Variants in EXOC6B observed in about 807,000 individuals in gnomAD.
EXOC6B encodes SEC15 homolog B.
In EXOC6B, 54 loss-of-function variants were observed where a neutral mutation model predicts 113.5. The ratio of observed to expected loss-of-function variants is 0.48; its 90% CI spans 0.38 to 0.60. The LOEUF (loss-of-function observed/expected upper bound fraction) is 0.60, where lower values mean the gene tolerates loss of function less well. EXOC6B is among the 20% of genes least tolerant of loss of function. EXOC6B has a pLI of 0.00. For missense variants in EXOC6B, 797 were observed against 977.5 expected (o/e 0.82, Z 2.46); for synonymous variants, 357 against 339.0 (o/e 1.05, Z -0.58).
intron 8 of EXOC6B, among the ~76,000 whole-genome samples, chr2:72,555,152 T>A (rs527354208): frequency 2.0e-4 from 30 of 152,204 alleles, no homozygotes; most frequent in Non-Finnish European, 3.7e-4. Flanking sequence ...ACCCAGTCTA[T>A]CATTGATGGA....
At chr2:72,306,231 G>A (rs540924801) in intron 20 of EXOC6B, among the ~76,000 whole-genome samples, 13 of 152,156 alleles carry the variant, frequency 8.5e-5, no homozygotes, top group Admixed American at 7.2e-4. Flanking sequence ...AATGTATACC[G>A]TTATAATAAA....
chr2:72,795,370 G>A (rs539006672), intron 1 of EXOC6B, among the ~76,000 whole-genome samples: 6 of 152,106 alleles, frequency 3.9e-5, no homozygotes, highest in Non-Finnish European at 5.9e-5. Context: ...TTCTAAACAA[G>A]TGAATGACTC....
intron 18 of EXOC6B, among the ~76,000 whole-genome samples, chr2:72,442,804 C>A (rs1215378517): frequency 6.6e-6 from 1 of 152,086 alleles, no homozygotes; most frequent in Non-Finnish European, 1.5e-5. Context: ...GTTAAAATGG[C>A]CATACTGCCC....
intron 6 of EXOC6B, among the ~76,000 whole-genome samples, chr2:72,603,726 C>T (rs1014524579): frequency 5.3e-5 from 8 of 152,226 alleles, no homozygotes; most frequent in African/African-American, 1.2e-4. Flanking sequence ...AAGTGCTTTG[C>T]GGCCCACTGT....
At chr2:72,718,013 A>G in intron 6 of EXOC6B, 90 bp downstream of exon 6, 2 of 896,568 alleles carry the variant, frequency 2.2e-6, no homozygotes, top group South Asian at 4.0e-5. Flanking sequence ...CTTGGATAAG[A>G]TAATGACTAG....
At chr2:72,371,380 T>C (rs915517666) in intron 19 of EXOC6B, among the ~76,000 whole-genome samples, 8 of 151,952 alleles carry the variant, frequency 5.3e-5, no homozygotes, top group Non-Finnish European at 1.2e-4. Context: ...CAAAGACACA[T>C]CGAAAAAGAA....
intron 6 of EXOC6B, among the ~76,000 whole-genome samples, chr2:72,577,590 A>C (rs1224117335): frequency 6.6e-6 from 1 of 152,040 alleles, no homozygotes; most frequent in African/African-American, 2.4e-5. Context: ...TGAACAAATG[A>C]AAGTTATCAT....
intron 6 of EXOC6B, among the ~76,000 whole-genome samples, chr2:72,589,794 C>T (rs552801618): frequency 5.8e-4 from 87 of 151,266 alleles, no homozygotes; most frequent in African/African-American, 2.0e-3. Context: ...AATGATATAA[C>T]AGATCTGATA....
chr2:72,626,460 A>T (rs965579647), intron 6 of EXOC6B, among the ~76,000 whole-genome samples: 1 of 152,184 alleles, frequency 6.6e-6, no homozygotes, highest in Non-Finnish European at 1.5e-5. Context: ...GTTATCAGAC[A>T]AGATGATTTT....
At chr2:72,341,722 A>C (rs1184040321) in intron 19 of EXOC6B, among the ~76,000 whole-genome samples, 1 of 152,128 alleles carries the variant, frequency 6.6e-6, no homozygotes, top group Admixed American at 6.6e-5. Flanking sequence ...ATCAGACTTG[A>C]ACAACACTAT....
In EXOC6B at chr2:72,379,905, C is replaced by A. The variant is rs1691585851; in HGVS notation, c.1981-35G>T. On this transcript the variant is annotated intron_variant, in intron 18 of 21. Coordinates refer to ENST00000272427, the MANE Select transcript of EXOC6B (RefSeq NM_015189.3). ...AAGAGTGTAAATCATAAAGTTAATG[C>A]ATCTAACATAAATTAAAATAAAATT... is the stretch of plus-strand genomic sequence containing the variant. 1.5e-5 allele frequency: 22 copies of A among 1,511,884 alleles called. 1 individual carries two copies. Among genetic ancestry groups the A allele is most frequent in the Non-Finnish European group, 1.9e-5 (22 of 1,128,468 alleles). The allele number at this position is 1,511,884 out of a possible 1,614,324, so 93.7% of individuals were successfully genotyped here.
At position 72,718,083 on chromosome 2, in the gene EXOC6B, A is replaced by C; in HGVS notation, c.669+20T>G. 1.9e-6 allele frequency: 3 copies of C among 1,583,438 alleles called. No homozygotes were observed. Among genetic ancestry groups the C allele is most frequent in the Non-Finnish European group, 2.6e-6 (3 of 1,163,490 alleles). ...TACTGATAAAGCCACTGGCCAACCT[A>C]TCATAAACCCAAGACCTACTTGCTT... On this transcript the variant is annotated intron_variant, in intron 6 of 21. Transcript: ENST00000272427.
intron 1 of EXOC6B, among the ~76,000 whole-genome samples, chr2:72,811,337 T>C (rs1427930271): frequency 6.6e-6 from 1 of 152,082 alleles, no homozygotes; most frequent in Non-Finnish European, 1.5e-5. Context: ...AAAGGCACGA[T>C]AAATTTAACA....
chr2:72,697,546 TG>T (rs1368419878), intron 6 of EXOC6B, among the ~76,000 whole-genome samples: 1 of 151,894 alleles, frequency 6.6e-6, no homozygotes, highest in Non-Finnish European at 1.5e-5. Flanking sequence ...TAGCCGGGCA[TG>T]GTGGTGCATG....
At chr2:72,637,387 G>T (rs1350854636) in intron 6 of EXOC6B, among the ~76,000 whole-genome samples, 1 of 151,944 alleles carries the variant, frequency 6.6e-6, no homozygotes, top group Non-Finnish European at 1.5e-5. Flanking sequence ...ATCCACCAAT[G>T]AAGGTCAAAT....
intron 6 of EXOC6B, among the ~76,000 whole-genome samples, chr2:72,671,603 C>T (rs1190512194): frequency 6.6e-6 from 1 of 151,800 alleles, no homozygotes; most frequent in East Asian, 1.9e-4. Flanking sequence ...GAGCCTGAGG[C>T]AGAAGAATCG....
At chr2:72,451,224 A>G (rs1696893995) in intron 18 of EXOC6B, among the ~76,000 whole-genome samples, 1 of 152,230 alleles carries the variant, frequency 6.6e-6, no homozygotes, top group Non-Finnish European at 1.5e-5. Flanking sequence ...AATAGGCACA[A>G]AAGAAAATTA....
At chr2:72,720,956 G>A (rs2104732362) in intron 5 of EXOC6B, among the ~76,000 whole-genome samples, 1 of 152,022 alleles carries the variant, frequency 6.6e-6, no homozygotes, top group East Asian at 1.9e-4. Flanking sequence ...AGCTGAATAG[G>A]TAGAAACGAA....
chr2:72,778,975 A>C (rs2104980790), intron 1 of EXOC6B, among the ~76,000 whole-genome samples: 1 of 152,276 alleles, frequency 6.6e-6, no homozygotes, highest in African/African-American at 2.4e-5. Flanking sequence ...TATACAGTGA[A>C]TATGTCCATA....
Sources: allele counts gnomAD v4.1 joint callset (sites outside exome capture counted in the v4.1 genomes callset), GRCh38; gene constraint gnomAD v4.1.1; transcripts MANE v1.5; gene names NCBI Gene and HGNC (gene_info 2026-07-23, HGNC 2026-07-21).